The following CCSAP variants were observed in gnomAD, a reference collection of about 807,000 sequenced individuals.
CCSAP encodes centriole, cilia and spindle-associated protein.
A neutral mutation model predicts 25.9 loss-of-function variants in CCSAP; 17 were observed. The observed-to-expected ratio is 0.66, with a 90% confidence interval of 0.45 to 0.99. The LOEUF is 0.99. Among genes scored for constraint, CCSAP ranks in the 50% least tolerant of loss-of-function variants. The pLI is 0.00. For missense variants in CCSAP, 339 were observed against 367.8 expected (o/e 0.92, Z 0.64); for synonymous variants, 169 against 157.1 (o/e 1.08, Z -0.57).
At chr1:229,333,019 A>C (rs1658106262) in intron 2 of CCSAP, among the ~76,000 whole-genome samples, 1 of 152,252 alleles carries the variant, frequency 6.6e-6, no homozygotes, top group South Asian at 2.1e-4. Context: ...CCAAGGCCAT[A>C]AAGAAATCTT....
At chr1:229,333,295 T>C (rs529508123) in intron 2 of CCSAP, among the ~76,000 whole-genome samples, 2 of 151,964 alleles carry the variant, frequency 1.3e-5, no homozygotes, top group South Asian at 2.1e-4. Flanking sequence ...TAGCCGGGCG[T>C]GGTGTCAGGT....
Position 229,342,401 on chromosome 1 carries a change from T to C in CCSAP, c.65A>G (p.Glu22Gly). ...MKRYQEPRWE[E>G]YGPCYRELLH... ...CAGCTCGCGGTAGCACGGCCCGTACTCCTCCCAGCGCGGCTCCTGGTAGCG... is the reference window on the plus strand; with the variant it reads ...CAGCTCGCGGTAGCACGGCCCGTACCCCTCCCAGCGCGGCTCCTGGTAGCG... The change falls in exon 2 of 4, where the codon GAG becomes GGG. Residue 22 changes from glutamate (E) to glycine (G), a missense_variant. Transcript: ENST00000284617. This position sits in a 1 kb window ranked among gnomAD's most constrained non-coding sequence, Gnocchi z 7.5. 1 of 1,480,316 alleles carries C rather than the reference T, an allele frequency of 6.8e-7. No individual in the cohort carries two copies. Among genetic ancestry groups the C allele is most frequent in the Non-Finnish European group, 9.0e-7 (1 of 1,111,280 alleles). The allele number at this position is 1,480,316 out of a possible 1,614,324, so 91.7% of individuals were successfully genotyped here. A position where few individuals can be genotyped will look rare whatever the true frequency, so the allele number is the denominator to read the frequency against.
In CCSAP at chr1:229,321,225, A is replaced by G. The variant is rs1482862633; in HGVS notation, c.*4010T>C. The stretch of plus-strand genomic sequence containing the variant: ...GATAGCACAGGGAAACCTTCCCTAA[A>G]TAAAGTTTTGTTATTAGAAGAGAAA... On this transcript the variant is annotated 3_prime_UTR_variant, in exon 4 of 4. Transcript: ENST00000284617. 1.3e-5 allele frequency: 2 copies of G among 152,240 alleles called. No individual in the cohort carries two copies. Among genetic ancestry groups the G allele is most frequent in the Non-Finnish European group, 2.9e-5 (2 of 68,046 alleles). 9.4% of individuals were successfully genotyped at this position (152,240 alleles called of 1,614,324 possible). A position where few individuals can be genotyped will look rare whatever the true frequency, so the allele number is the denominator to read the frequency against.
At chr1:229,331,787 T>TTTTATTATTA (rs551904118) in intron 2 of CCSAP, among the ~76,000 whole-genome samples, 1 of 140,642 alleles carries the variant, frequency 7.1e-6, no homozygotes, top group African/African-American at 2.6e-5. Flanking sequence ...CTAATATCCT[T>TTTTATTATTA]TTATTATTAT....
chr1:229,327,502 C>G (rs1248689896), intron 2 of CCSAP: 3 of 456,140 alleles, frequency 6.6e-6, no homozygotes, highest in Non-Finnish European at 1.3e-5. Flanking sequence ...AAAAGCCCCT[C>G]CGCACAACAG....
chr1:229,329,985 C>G (rs940123168), intron 2 of CCSAP, among the ~76,000 whole-genome samples: 1 of 152,006 alleles, frequency 6.6e-6, no homozygotes, highest in African/African-American at 2.4e-5. Context: ...GAGCAAAACT[C>G]CATCTCAAAA....
chr1:229,331,556 C>A (rs1205234590), intron 2 of CCSAP, among the ~76,000 whole-genome samples: 1 of 152,020 alleles, frequency 6.6e-6, no homozygotes, highest in Non-Finnish European at 1.5e-5. Flanking sequence ...CTGTTCCAGT[C>A]TTTTGTTATA....
intron 2 of CCSAP, among the ~76,000 whole-genome samples, chr1:229,337,702 C>CATACATATATAT (rs1658227110): frequency 2.1e-5 from 1 of 48,590 alleles, no homozygotes; most frequent in Non-Finnish European, 4.3e-5. Context: ...TATATATACA[C>CATACATATATAT]ATACATATAT....
intron 2 of CCSAP, among the ~76,000 whole-genome samples, chr1:229,332,135 G>A (rs186312984): frequency 1.8e-4 from 28 of 152,260 alleles, no homozygotes; most frequent in Admixed American, 1.7e-3. Context: ...GAGCCACTGC[G>A]CCCGGCCTCT....
At chr1:229,331,919 G>A (rs1259931331) in intron 2 of CCSAP, among the ~76,000 whole-genome samples, 1 of 151,740 alleles carries the variant, frequency 6.6e-6, no homozygotes, top group Non-Finnish European at 1.5e-5. Flanking sequence ...GAATAGCTGG[G>A]ATTACAGGTG....
Position 229,326,950 on chromosome 1 carries a change from T to C in CCSAP, c.424A>G (p.Thr142Ala). The change falls in exon 3 of 4, where the codon ACT becomes GCT. Residue 142 changes from threonine (T) to alanine (A), a missense_variant. Coordinates refer to ENST00000284617, the MANE Select transcript of CCSAP (RefSeq NM_145257.5). ...TCAGTACTGGTGGGTGATTTGTCAG[T>C]CTCTCTTGTTCTGGTTTGTTGTTCA... ...KPEQQTRTRE[T>A]DKSPTSTEPR... The C allele has an allele frequency of 6.2e-7, 1 of 1,614,218 alleles. No individual in the cohort carries two copies.
Position 229,322,579 on chromosome 1 carries a change from A to G in CCSAP, c.*2656T>C, listed in dbSNP as rs1464787426. 1 of 152,200 alleles carries G rather than the reference A, an allele frequency of 6.6e-6. No individual in the cohort carries two copies. Among genetic ancestry groups the G allele is most frequent in the Non-Finnish European group, 1.5e-5 (1 of 68,026 alleles). The allele number at this position is 152,200 out of a possible 1,614,324, so 9.4% of individuals were successfully genotyped here. On this transcript the variant is annotated 3_prime_UTR_variant, in exon 4 of 4. Transcript: ENST00000284617. ...AAAGATTCATTTTAAAAGTGAATAAATGTGCTTAGAAATTTTAGGGGGGAG... is the reference window on the plus strand; with the variant it reads ...AAAGATTCATTTTAAAAGTGAATAAGTGTGCTTAGAAATTTTAGGGGGGAG...
intron 2 of CCSAP, among the ~76,000 whole-genome samples, chr1:229,335,709 T>A (rs990887126): frequency 1.2e-4 from 18 of 151,914 alleles, no homozygotes; most frequent in African/African-American, 4.1e-4. Context: ...CAGGAAGAGG[T>A]CATGCATGTG....
At chr1:229,337,678 A>AAAAAAAAATATATATATAT in intron 2 of CCSAP, among the ~76,000 whole-genome samples, 2 of 65,512 alleles carry the variant, frequency 3.1e-5, no homozygotes, top group African/African-American at 1.2e-4. Context: ...CTCAAAAAAA[A>AAAAAAAAATATATATATAT]ATATATATAT....
At chr1:229,333,228 A>G (rs192961328) in intron 2 of CCSAP, among the ~76,000 whole-genome samples, 59 of 151,928 alleles carry the variant, frequency 3.9e-4, no homozygotes, top group East Asian at 1.6e-3. Flanking sequence ...GTCAGGAGAT[A>G]GAGACCATCC....
At chr1:229,331,206 T>A (rs1465302832) in intron 2 of CCSAP, among the ~76,000 whole-genome samples, 1 of 151,718 alleles carries the variant, frequency 6.6e-6, no homozygotes, top group African/African-American at 2.4e-5. Flanking sequence ...AAGACCAGTG[T>A]GTTGTAAAGA....
In CCSAP at chr1:229,337,678, A is replaced by AAAAAAAATAT; in HGVS notation, c.367+4420_367+4421insATATTTTTTT. Among the ~76,000 whole-genome samples, 59 of 65,510 alleles carry AAAAAAAATAT rather than the reference A, an allele frequency of 9.0e-4. 3 individuals are homozygous for AAAAAAAATAT. The highest frequency in any genetic ancestry group is 3.6e-3 in the South Asian group (9 of 2,488). 43.0% of individuals were successfully genotyped at this position (65,510 alleles called of 152,430 possible). A position where few individuals can be genotyped will look rare whatever the true frequency, so the allele number is the denominator to read the frequency against. On this transcript the variant is annotated intron_variant, in intron 2 of 3. Coordinates refer to ENST00000284617, the MANE Select transcript of CCSAP (RefSeq NM_145257.5). ...GAACAAGATCAAAGGCTCAAAAAAA[A>AAAAAAAATAT]ATATATATATATATATATATACACA...
At chr1:229,333,399 C>CTCCA (rs1429657404) in intron 2 of CCSAP, among the ~76,000 whole-genome samples, 1 of 145,158 alleles carries the variant, frequency 6.9e-6, no homozygotes, top group Non-Finnish European at 1.5e-5. Context: ...CGCCACTGCA[C>CTCCA]TCCAGCCTGG....
chr1:229,338,193 C>G (rs539117814), intron 2 of CCSAP, among the ~76,000 whole-genome samples: 2 of 152,064 alleles, frequency 1.3e-5, no homozygotes, highest in Non-Finnish European at 2.9e-5. Context: ...TGAGCTAAAT[C>G]TTCATCTCCC....
Sources: allele counts gnomAD v4.1 joint callset (sites outside exome capture counted in the v4.1 genomes callset), GRCh38; gene constraint gnomAD v4.1.1; non-coding constraint Gnocchi (gnomAD v3.1); transcripts MANE v1.5; gene names NCBI Gene and HGNC (gene_info 2026-07-23, HGNC 2026-07-21).